Variants in CSMD1 observed in about 807,000 individuals in gnomAD.
CSMD1 encodes CUB and Sushi multiple domains 1, also known as CUB and sushi domain-containing protein 1.
CSMD1 carries 213 observed loss-of-function variants against 417.5 expected under a neutral mutation model. The observed-to-expected ratio is 0.51, with a 90% CI of 0.46 to 0.57. The LOEUF is 0.57. Ranked by LOEUF, CSMD1 falls within the 20% of genes least tolerant of loss-of-function variation. The pLI is 0.00. For synonymous variants in CSMD1, 2,862 were observed against 1,736.8 expected, an observed-to-expected ratio of 1.65 and a Z score of -16.11; for missense variants, 6,923 against 4,529.7, an observed-to-expected ratio of 1.53 and a Z score of -15.17.
intron 6 of CSMD1, among the ~76,000 whole-genome samples, chr8:3,721,861 A>T (rs572240155): frequency 2.0e-5 from 3 of 152,186 alleles, no homozygotes; most frequent in African/African-American, 4.8e-5. Context: ...TGTATGAAGA[A>T]AATAGCAGAG....
intron 10 of CSMD1, among the ~76,000 whole-genome samples, chr8:3,547,639 G>C (rs7842296): frequency 0.014 from 2,198 of 151,874 alleles, 57 homozygotes; most frequent in African/African-American, 0.051. Flanking sequence ...TAATAAAGTG[G>C]GTTTGTAAGT....
intron 5 of CSMD1, among the ~76,000 whole-genome samples, chr8:3,792,580 C>G (rs764855563): frequency 1.3e-5 from 2 of 152,148 alleles, no homozygotes; most frequent in Non-Finnish European, 2.9e-5. Flanking sequence ...CCTTTGTTAG[C>G]TCCCACATAC....
At chr8:4,525,006 A>G (rs1796442915) in intron 2 of CSMD1, among the ~76,000 whole-genome samples, 1 of 152,184 alleles carries the variant, frequency 6.6e-6, no homozygotes, top group Admixed American at 6.5e-5. Flanking sequence ...TGTGCAAAAT[A>G]ATTGCAGTTT....
At chr8:4,574,592 G>A (rs555866419) in intron 2 of CSMD1, among the ~76,000 whole-genome samples, 14 of 152,300 alleles carry the variant, frequency 9.2e-5, no homozygotes, top group Admixed American at 8.5e-4. Context: ...AGTTCCAACT[G>A]CTTTGTGTGT....
chr8:4,066,579 G>C (rs1189986984), intron 3 of CSMD1, among the ~76,000 whole-genome samples: 1 of 152,148 alleles, frequency 6.6e-6, no homozygotes, highest in Non-Finnish European at 1.5e-5. Flanking sequence ...TGTGGTAATT[G>C]TAGTTCACGT....
chr8:4,055,813 C>T (rs1180950512), intron 3 of CSMD1, among the ~76,000 whole-genome samples: 1 of 151,362 alleles, frequency 6.6e-6, no homozygotes, highest in Admixed American at 6.6e-5. Context: ...AACACTGAAG[C>T]AGAAGTGTTG....
intron 3 of CSMD1, among the ~76,000 whole-genome samples, chr8:4,175,816 A>G (rs1460578475): frequency 6.6e-6 from 1 of 152,194 alleles, no homozygotes; most frequent in South Asian, 2.1e-4. Flanking sequence ...CAGCATATAT[A>G]AAAGTATGCA....
chr8:3,925,567 G>C (rs368810506), intron 5 of CSMD1, among the ~76,000 whole-genome samples: 1 of 152,186 alleles, frequency 6.6e-6, no homozygotes, highest in Non-Finnish European at 1.5e-5. Flanking sequence ...CCCACGGTGA[G>C]GTAACTGAAT....
At chr8:4,780,575 A>AT (rs11305573) in intron 1 of CSMD1, among the ~76,000 whole-genome samples, 3 of 151,830 alleles carry the variant, frequency 2.0e-5, no homozygotes, top group East Asian at 3.9e-4. Context: ...ATTTATATTT[A>AT]TTTTTTTCCA....
intron 33 of CSMD1, among the ~76,000 whole-genome samples, chr8:3,193,530 G>A (rs938500374): frequency 1.3e-5 from 2 of 151,984 alleles, no homozygotes; most frequent in African/African-American, 4.8e-5. Context: ...TCTGGGTCTG[G>A]CCCTTCACCT....
At chr8:3,019,107 A>G (rs980034367) in intron 51 of CSMD1, among the ~76,000 whole-genome samples, 5 of 152,156 alleles carry the variant, frequency 3.3e-5, no homozygotes, top group African/African-American at 1.2e-4. Context: ...TAGTAGAGAC[A>G]GTGTTTTGCC....
chr8:4,894,398 T>C (rs1563695911), intron 1 of CSMD1, among the ~76,000 whole-genome samples: 1 of 151,942 alleles, frequency 6.6e-6, no homozygotes, highest in Non-Finnish European at 1.5e-5. Context: ...TCTCTTTCAC[T>C]CTTTCTCTGC....
chr8:4,668,998 T>G (rs1805125141), intron 1 of CSMD1, among the ~76,000 whole-genome samples: 1 of 152,214 alleles, frequency 6.6e-6, no homozygotes, highest in African/African-American at 2.4e-5. Context: ...GTGTCTAATC[T>G]TCCTTTTAAT....
intron 20 of CSMD1, among the ~76,000 whole-genome samples, chr8:3,360,049 T>C (rs949944170): frequency 6.6e-6 from 1 of 152,148 alleles, no homozygotes; most frequent in African/African-American, 2.4e-5. Context: ...AAGCATAACA[T>C]AAAAGCAAAG....
chr8:4,436,916 T>C (rs549625072), intron 2 of CSMD1, among the ~76,000 whole-genome samples: 2 of 152,320 alleles, frequency 1.3e-5, no homozygotes, highest in East Asian at 3.9e-4. Flanking sequence ...TCCATTCATC[T>C]GTTGATGGAC....
At chr8:4,100,495 C>G (rs960758732) in intron 3 of CSMD1, among the ~76,000 whole-genome samples, 4 of 152,126 alleles carry the variant, frequency 2.6e-5, no homozygotes, top group African/African-American at 9.7e-5. Context: ...TTAGTCTCAT[C>G]AACTATAAAA....
intron 3 of CSMD1, among the ~76,000 whole-genome samples, chr8:4,093,581 G>A (rs746867363): frequency 6.6e-6 from 1 of 152,112 alleles, no homozygotes; most frequent in Non-Finnish European, 1.5e-5. Flanking sequence ...AAAAAAAGTG[G>A]CAGAATATCG....
chr8:3,163,438 A>T (rs1820016023), intron 37 of CSMD1, among the ~76,000 whole-genome samples: 1 of 151,578 alleles, frequency 6.6e-6, no homozygotes, highest in African/African-American at 2.4e-5. Context: ...CAGCAGGAGA[A>T]CAGGTCCACT....
intron 6 of CSMD1, among the ~76,000 whole-genome samples, chr8:3,735,210 G>C (rs1165286277): frequency 6.6e-6 from 1 of 152,110 alleles, no homozygotes; most frequent in Non-Finnish European, 1.5e-5. Context: ...GTTGCCCCTG[G>C]CTCCTTAATG....
Sources: gnomAD v4.1 joint callset for allele counts (sites outside exome capture counted in the v4.1 genomes callset) on GRCh38, gnomAD v4.1.1 for gene constraint, MANE v1.5 for transcripts, NCBI Gene and HGNC (gene_info 2026-07-23, HGNC 2026-07-21) for gene names.